TMEM123: variants seen among roughly 807,000 people sequenced by gnomAD.
TMEM123 encodes porimin.
TMEM123 carries 16 observed loss-of-function variants against 19.7 expected under a neutral mutation model. That is an observed-to-expected ratio of 0.81 (90% CI 0.55 to 1.23). The LOEUF (loss-of-function observed/expected upper bound fraction) is 1.23. TMEM123 is among the 50% of genes most tolerant of loss of function. The pLI, the probability that TMEM123 is intolerant of heterozygous loss-of-function variation, is 0.00. For missense variants in TMEM123, 313 were observed against 257.8 expected (o/e 1.21, Z -1.47); for synonymous variants, 118 against 99.4 (o/e 1.19, Z -1.12).
intron 2 of TMEM123, among the ~76,000 whole-genome samples, chr11:102,444,804 T>C (rs1565357045): frequency 6.6e-6 from 1 of 150,852 alleles, no homozygotes; most frequent in Non-Finnish European, 1.5e-5. Flanking sequence ...ATTAAGAAAA[T>C]GTGGCACATA....
chr11:102,410,921 A>G (rs1013371268), intron 2 of TMEM123, among the ~76,000 whole-genome samples: 8 of 152,106 alleles, frequency 5.3e-5, no homozygotes, highest in African/African-American at 1.7e-4. Context: ...ATTTTTCTGA[A>G]CTTTTATTAT....
intron 2 of TMEM123, among the ~76,000 whole-genome samples, chr11:102,407,631 A>G (rs1002772792): frequency 6.6e-6 from 1 of 152,144 alleles, no homozygotes; most frequent in Non-Finnish European, 1.5e-5. Flanking sequence ...AGTTGGAGAC[A>G]GACACACAAA....
chr11:102,426,937 A>G (rs933793794), intron 2 of TMEM123, among the ~76,000 whole-genome samples: 3 of 126,590 alleles, frequency 2.4e-5, no homozygotes, highest in African/African-American at 5.9e-5. Flanking sequence ...CTGGGTATAT[A>G]TATCAGTTAT....
chr11:102,399,355 G>A (rs1951889759), intron 4 of TMEM123, among the ~76,000 whole-genome samples: 1 of 152,144 alleles, frequency 6.6e-6, no homozygotes, highest in South Asian at 2.1e-4. Flanking sequence ...TGAGGTAAGA[G>A]GATCACTTAA....
chr11:102,438,868 A>T (rs1686356298), intron 2 of TMEM123, among the ~76,000 whole-genome samples: 1 of 152,162 alleles, frequency 6.6e-6, no homozygotes, highest in Non-Finnish European at 1.5e-5. Context: ...CAGTACCTAG[A>T]AAATCGGGAC....
At chr11:102,436,483 TA>T (rs1857764053) in intron 2 of TMEM123, among the ~76,000 whole-genome samples, 1 of 151,940 alleles carries the variant, frequency 6.6e-6, no homozygotes. Flanking sequence ...TCCTTATAAA[TA>T]AATGTAATTC....
At position 102,418,246 on chromosome 11, in the gene TMEM123, G is replaced by C. The variant is rs186369416; in HGVS notation, c.158-16040C>G. Among the ~76,000 whole-genome samples, 6 of 152,160 alleles carry C rather than the reference G, an allele frequency of 3.9e-5. No homozygotes were observed. In the East Asian group the frequency reaches 1.2e-3, roughly 29 times the overall value. On this transcript the variant is annotated intron_variant, in intron 2 of 4. Transcript: ENST00000398136. ...AAAGAAACTATCAACAAAGTAAACA[G>C]AAAACCTATAGAATGGGAGAAAATA...
intron 2 of TMEM123, among the ~76,000 whole-genome samples, chr11:102,435,811 G>C (rs1857756860): frequency 6.6e-6 from 1 of 151,884 alleles, no homozygotes; most frequent in Admixed American, 6.6e-5. Flanking sequence ...CCATTCATAT[G>C]AAAGTCCAGA....
chr11:102,435,056 C>G (rs530699942), intron 2 of TMEM123, among the ~76,000 whole-genome samples: 6 of 151,786 alleles, frequency 4.0e-5, no homozygotes, highest in African/African-American at 1.5e-4. Flanking sequence ...ATTTCTACAA[C>G]GGGCTGGGCA....
rs940525114 is a variant in TMEM123 at position 102,424,895 on chromosome 11, G to C, written c.158-22689C>G. On this transcript the variant is annotated intron_variant, in intron 2 of 4. Coordinates refer to ENST00000398136, the MANE Select transcript of TMEM123 (RefSeq NM_052932.3). ...CAGAACACCCAATGCTGTACTGATT[G>C]CATGCTCACTGAGCAAGTTTTTCAG... 2.0e-5 allele frequency among the ~76,000 whole-genome samples: 3 copies of C among 152,296 alleles called. No individual in the cohort carries two copies. The East Asian group carries it at 5.8e-4, about 29-fold the overall frequency.
chr11:102,410,645 T>C (rs955552479), intron 2 of TMEM123, among the ~76,000 whole-genome samples: 2 of 152,182 alleles, frequency 1.3e-5, no homozygotes, highest in Non-Finnish European at 2.9e-5. Context: ...GAATTCACTC[T>C]GCTATTCCTC....
intron 2 of TMEM123, among the ~76,000 whole-genome samples, chr11:102,436,339 T>G (rs1321359433): frequency 6.6e-6 from 1 of 151,696 alleles, no homozygotes; most frequent in Admixed American, 6.6e-5. Context: ...ATTTTTACAT[T>G]TTTAGTAGAG....
chr11:102,436,205 C>T (rs1857760931), intron 2 of TMEM123, among the ~76,000 whole-genome samples: 1 of 151,906 alleles, frequency 6.6e-6, no homozygotes, highest in African/African-American at 2.4e-5. Context: ...CACTATTGCC[C>T]AGGCTGCAGT....
chr11:102,400,684 G>A (rs926692092), intron 4 of TMEM123, among the ~76,000 whole-genome samples: 8 of 152,210 alleles, frequency 5.3e-5, no homozygotes, highest in Non-Finnish European at 1.0e-4. Flanking sequence ...TGGAACCCTC[G>A]TGAACAGAAT....
intron 2 of TMEM123, among the ~76,000 whole-genome samples, chr11:102,428,588 TA>T (rs1161821714): frequency 6.6e-6 from 1 of 151,706 alleles, no homozygotes; most frequent in Admixed American, 6.6e-5. Context: ...ATTACAGGTG[TA>T]AGCCAGTGTG....
intron 2 of TMEM123, among the ~76,000 whole-genome samples, chr11:102,435,842 T>C (rs1176587258): frequency 2.6e-5 from 4 of 151,734 alleles, no homozygotes; most frequent in Admixed American, 6.6e-5. Context: ...GAAAGTAGAT[T>C]TGTGGTTGCT....
Position 102,439,816 on chromosome 11 carries a change from A to G in TMEM123, c.157+8996T>C, listed in dbSNP as rs1857805513. Among the ~76,000 whole-genome samples, 3 of 152,232 alleles carry G rather than the reference A, an allele frequency of 2.0e-5. No individual in the cohort carries two copies. In the South Asian group the frequency reaches 6.2e-4, roughly 32 times the overall value. ...GCTAAAAACCTTGAAAAAAGATTAG[A>G]CAAATGGCTAACTAGAATAAATAGC... On this transcript the variant is annotated intron_variant, in intron 2 of 4. Transcript: ENST00000398136.
chr11:102,447,745 G>A (rs1453111898), intron 2 of TMEM123, among the ~76,000 whole-genome samples: 1 of 152,044 alleles, frequency 6.6e-6, no homozygotes, highest in East Asian at 1.9e-4. Flanking sequence ...CAATGAAAAC[G>A]TTTTCTGTAG....
chr11:102,420,811 GC>G (rs1952079546), intron 2 of TMEM123, among the ~76,000 whole-genome samples: 1 of 152,146 alleles, frequency 6.6e-6, no homozygotes, highest in Admixed American at 6.5e-5. Context: ...ACTTTGGGAG[GC>G]CAAGGCGGGT....
Sources: gnomAD v4.1 joint callset for allele counts (sites outside exome capture counted in the v4.1 genomes callset) on GRCh38, gnomAD v4.1.1 for gene constraint, MANE v1.5 for transcripts, NCBI Gene and HGNC (gene_info 2026-07-23, HGNC 2026-07-21) for gene names.